The following TNS3 variants were observed in gnomAD, a reference collection of about 807,000 sequenced individuals.
TNS3 encodes the protein tensin-3.
TNS3 carries 45 observed loss-of-function variants against 140.9 expected under a neutral mutation model. The observed-to-expected ratio is 0.32, with a 90% CI of 0.25 to 0.41. The LOEUF is 0.41. Among genes scored for constraint, TNS3 ranks in the 10% least tolerant of loss-of-function variants. The pLI, the probability that TNS3 is intolerant of heterozygous loss-of-function variation, is 1.00. For missense variants in TNS3, 1,716 were observed against 1,906.7 expected (o/e 0.90, Z 1.86); for synonymous variants, 815 against 788.4 (o/e 1.03, Z -0.56).
At chr7:47,489,168 G>C (rs746007888) in intron 3 of TNS3, among the ~76,000 whole-genome samples, 1 of 152,132 alleles carries the variant, frequency 6.6e-6, no homozygotes, top group Non-Finnish European at 1.5e-5. Flanking sequence ...ACACCCGCCC[G>C]GCAGACGCAA....
rs116762814 is a variant in TNS3, at chr7:47,519,548, C to T, written c.-153+9488G>A. On this transcript the variant is annotated intron_variant, in intron 2 of 30. Coordinates refer to ENST00000311160, the MANE Select transcript of TNS3 (RefSeq NM_022748.12). ...GCACCCTCCCAAGAACCCCAGTCCC[C>T]CACACACATGGGTGTGACTGTCCAG... Among the ~76,000 whole-genome samples the T allele has an allele frequency of 7.9e-3, 1,210 of 152,316 alleles. 13 individuals are homozygous for T. Among genetic ancestry groups the T allele is most frequent in the African/African-American group, 0.028 (1,163 of 41,572 alleles).
At chr7:47,574,820 G>T (rs1465329612) in intron 1 of TNS3, among the ~76,000 whole-genome samples, 3 of 152,228 alleles carry the variant, frequency 2.0e-5, no homozygotes, top group Admixed American at 2.0e-4. Context: ...GTTTCACAGG[G>T]ACAGAAAGTA....
chr7:47,496,003 A>G (rs1797994445), intron 3 of TNS3, among the ~76,000 whole-genome samples: 1 of 152,160 alleles, frequency 6.6e-6, no homozygotes, highest in South Asian at 2.1e-4. Flanking sequence ...GCTGTGATCC[A>G]GAAGGAGCAC....
At chr7:47,474,858 CTCACACACAACACT>C (rs1159574019) in intron 4 of TNS3, among the ~76,000 whole-genome samples, 19 of 146,744 alleles carry the variant, frequency 1.3e-4, no homozygotes, top group African/African-American at 3.8e-4. Flanking sequence ...CACAAAACAC[CTCACACACAACACT>C]TCACACACAA....
chr7:47,567,780 G>T (rs983898971), intron 1 of TNS3, among the ~76,000 whole-genome samples: 2 of 150,884 alleles, frequency 1.3e-5, no homozygotes, highest in African/African-American at 4.9e-5. Flanking sequence ...GCCAATGAAA[G>T]AAATGAAAGA....
intron 2 of TNS3, among the ~76,000 whole-genome samples, chr7:47,526,914 A>G (rs558071032): frequency 1.3e-5 from 2 of 152,282 alleles, no homozygotes; most frequent in Admixed American, 1.3e-4. Context: ...TTGGGAGTCA[A>G]AGTTAGAGAC....
intron 2 of TNS3, among the ~76,000 whole-genome samples, chr7:47,516,413 C>A (rs1798779257): frequency 6.6e-6 from 1 of 152,042 alleles, no homozygotes; most frequent in Admixed American, 6.5e-5. Flanking sequence ...CATCCTGCCT[C>A]TGTCCCATCT....
chr7:47,346,133 A>G, intron 18 of TNS3, 54 bp downstream of exon 18: 3 of 1,595,600 alleles, frequency 1.9e-6, no homozygotes, highest in South Asian at 2.3e-5. Flanking sequence ...GGGTTCCAGG[A>G]CAAGAAAGGG....
At chr7:47,307,268 T>C (rs1165363725) in intron 20 of TNS3, among the ~76,000 whole-genome samples, 2 of 152,256 alleles carry the variant, frequency 1.3e-5, no homozygotes, top group Admixed American at 6.5e-5. Flanking sequence ...ACTCTTTTTT[T>C]CCTCTACTTT....
In TNS3 at chr7:47,389,104, GGAAGCAGAAGAAGAAGAAGAA is replaced by G; in HGVS notation, c.1024+7675_1024+7695del. 6.7e-5 allele frequency among the ~76,000 whole-genome samples: 2 copies of G among 29,976 alleles called. 1 individual carries two copies. Among genetic ancestry groups the G allele is most frequent in the South Asian group, 7.0e-3 (2 of 286 alleles). 19.7% of individuals were successfully genotyped at this position (29,976 alleles called of 152,430 possible). A position where few individuals can be genotyped will look rare whatever the true frequency, so the allele number is the denominator to read the frequency against. On this transcript the variant is annotated intron_variant, in intron 16 of 30. Transcript: ENST00000311160. ...AAGAAGAGGAAGAGGAAGAGGAAGC[GGAAGCAGAAGAAGAAGAAGAA>G]GAAGAAGAAGAAGAAGAAGAAGAAG...
chr7:47,528,046 C>T (rs998028113), intron 2 of TNS3, among the ~76,000 whole-genome samples: 3 of 152,154 alleles, frequency 2.0e-5, no homozygotes, highest in Non-Finnish European at 4.4e-5. Flanking sequence ...TTCTACTTAG[C>T]GACCAGGGTG....
At chr7:47,531,742 T>C (rs994800839) in intron 1 of TNS3, among the ~76,000 whole-genome samples, 1 of 152,254 alleles carries the variant, frequency 6.6e-6, no homozygotes, top group Non-Finnish European at 1.5e-5. Context: ...AGGCTGGGGC[T>C]GCACTCTCCA....
At chr7:47,487,956 C>T (rs1203250123) in intron 3 of TNS3, among the ~76,000 whole-genome samples, 1 of 152,084 alleles carries the variant, frequency 6.6e-6, no homozygotes, top group East Asian at 1.9e-4. Context: ...CAGGGAAAAA[C>T]AGATACGGAC....
intron 16 of TNS3, among the ~76,000 whole-genome samples, chr7:47,394,540 C>T (rs1792715595): frequency 6.6e-6 from 1 of 152,188 alleles, no homozygotes; most frequent in Non-Finnish European, 1.5e-5. Flanking sequence ...GCTGAGAGGG[C>T]CTCAAAGTAA....
intron 1 of TNS3, among the ~76,000 whole-genome samples, chr7:47,545,118 T>A (rs1408002261): frequency 6.7e-6 from 1 of 149,568 alleles, no homozygotes; most frequent in Non-Finnish European, 1.5e-5. Context: ...TCCGTGATAA[T>A]ACATTGAGAT....
chr7:47,345,818 G>C (rs1252035609), intron 18 of TNS3, among the ~76,000 whole-genome samples: 1 of 152,218 alleles, frequency 6.6e-6, no homozygotes, highest in Non-Finnish European at 1.5e-5. Flanking sequence ...GAATGGCTAA[G>C]GCCAGGCCTA....
intron 16 of TNS3, among the ~76,000 whole-genome samples, chr7:47,390,035 T>C (rs138914880): frequency 3.3e-5 from 5 of 152,292 alleles, no homozygotes; most frequent in Admixed American, 2.0e-4. Context: ...TCAAATGTCA[T>C]AGGGTGGCTG....
At chr7:47,359,700 G>A (rs1790206263) in intron 17 of TNS3, among the ~76,000 whole-genome samples, 1 of 152,024 alleles carries the variant, frequency 6.6e-6, no homozygotes, top group African/African-American at 2.4e-5. Flanking sequence ...TTTTTCCTTT[G>A]ACATGAGTGT....
At chr7:47,532,750 A>AC (rs1799453296) in intron 1 of TNS3, among the ~76,000 whole-genome samples, 1 of 152,112 alleles carries the variant, frequency 6.6e-6, no homozygotes, top group Non-Finnish European at 1.5e-5. Context: ...GAAATTGGAC[A>AC]CCCCAAAGAT....
Sources: gnomAD v4.1 joint callset for allele counts (sites outside exome capture counted in the v4.1 genomes callset) on GRCh38, gnomAD v4.1.1 for gene constraint, MANE v1.5 for transcripts, NCBI Gene and HGNC (gene_info 2026-07-23, HGNC 2026-07-21) for gene names.